SEMA4D: variants seen among roughly 807,000 people sequenced by gnomAD.
SEMA4D encodes the protein semaphorin-4D.
SEMA4D carries 22 observed loss-of-function variants against 74.8 expected under a neutral mutation model. The ratio of observed to expected loss-of-function variants is 0.29; its 90% confidence interval spans 0.21 to 0.42. The LOEUF (loss-of-function observed/expected upper bound fraction) is 0.42, where lower values mean the gene tolerates loss of function less well. SEMA4D is among the 10% of genes least tolerant of loss of function. The pLI is 1.00. For synonymous variants in SEMA4D, 445 were observed against 463.7 expected (o/e 0.96, Z 0.52); for missense variants, 937 against 1,118.4 (o/e 0.84, Z 2.31).
At chr9:89,397,572 A>G (rs1841270214) in intron 5 of SEMA4D, among the ~76,000 whole-genome samples, 1 of 152,244 alleles carries the variant, frequency 6.6e-6, no homozygotes, top group African/African-American at 2.4e-5. Flanking sequence ...TACATGTGCT[A>G]TAGTCTGAAA....
rs575756719 is a variant in SEMA4D at position 89,443,278 on chromosome 9, T to C, written c.-244+12610A>G. Among the ~76,000 whole-genome samples, 35 of 152,276 alleles carry C rather than the reference T, an allele frequency of 2.3e-4. No individual in the cohort carries two copies. In the East Asian group the frequency reaches 4.1e-3, roughly 18 times the overall value. Reference sequence around the variant, plus strand: ...AGAAGAACGGATGCCAGTGCTCAACTGGACACACACTCCAGCCACAAGCCA... The same window carrying C: ...AGAAGAACGGATGCCAGTGCTCAACCGGACACACACTCCAGCCACAAGCCA... On this transcript the variant is annotated intron_variant, in intron 2 of 15. Coordinates refer to ENST00000422704, the MANE Select transcript of SEMA4D (RefSeq NM_001371194.2).
intron 2 of SEMA4D, among the ~76,000 whole-genome samples, chr9:89,416,504 G>T (rs1462091314): frequency 6.6e-6 from 1 of 152,118 alleles, no homozygotes; most frequent in Non-Finnish European, 1.5e-5. Flanking sequence ...GGATGCGTCA[G>T]TCTACACACA....
chr9:89,490,554 G>A (rs1291939177), intron 1 of SEMA4D, among the ~76,000 whole-genome samples: 1 of 152,216 alleles, frequency 6.6e-6, no homozygotes, highest in African/African-American at 2.4e-5. Context: ...AAGGCTTTGT[G>A]TTAGATGACT....
Position 89,378,594 on chromosome 9 carries a change from C to T in SEMA4D, c.*110G>A. On this transcript the variant is annotated 3_prime_UTR_variant, in exon 16 of 16. Coordinates refer to ENST00000422704, the MANE Select transcript of SEMA4D (RefSeq NM_001371194.2). ...ACTGAGGTTGTCTGCACGATGCGGG[C>T]TAACCTACGCAGCACTGCACGAGAC... 3.9e-6 allele frequency: 3 copies of T among 760,448 alleles called. No homozygotes were observed. The South Asian group carries it at 5.1e-5, about 13-fold the overall frequency. 47.1% of individuals were successfully genotyped at this position (760,448 alleles called of 1,614,324 possible).
Position 89,387,466 on chromosome 9 carries a change from T to A in SEMA4D, c.1250A>T (p.Asp417Val), listed in dbSNP as rs140150679. The change falls in exon 12 of 16, where the codon GAT becomes GTT. Residue 417 changes from aspartate (D) to valine (V), a missense_variant. Physicochemically the swap from Asp to Val is radical, Grantham distance 152. Transcript: ENST00000422704. ...CACCACGATCTGGGTGTAGTTCACA[T>A]CTTTCTTGATTAACCTGGGCCTGTT... Reference protein sequence around the residue: ...IDNRPRLIKKDVNYTQIVVDR... With the variant: ...IDNRPRLIKKVVNYTQIVVDR... 306 of 1,614,118 alleles carry A rather than the reference T, an allele frequency of 1.9e-4. No individual in the cohort carries two copies. Among genetic ancestry groups the A allele is most frequent in the Non-Finnish European group, 2.4e-4 (288 of 1,180,044 alleles).
In SEMA4D at chr9:89,379,565, G is replaced by A. The variant is rs759077004; in HGVS notation, c.1728C>T (p.Cys576=). The change falls in exon 16 of 16, where the codon TGC becomes TGT. Residue 576 remains cysteine, a synonymous_variant. Coordinates refer to ENST00000422704, the MANE Select transcript of SEMA4D (RefSeq NM_001371194.2). ...FKHGGTAELK[C]SQKSNLARVF... is the part of the protein sequence containing the mutation. ...CCCGGGCCAGGTTGGATTTTTGGGAGCATTTCAGTTCCGCTGTGCCACCGT... is the reference window on the plus strand; with the variant it reads ...CCCGGGCCAGGTTGGATTTTTGGGAACATTTCAGTTCCGCTGTGCCACCGT... The A allele has an allele frequency of 6.2e-7, 1 of 1,614,086 alleles. No individual in the cohort carries two copies. Among genetic ancestry groups the A allele is most frequent in the African/African-American group, 1.3e-5 (1 of 74,924 alleles).
At chr9:89,376,883 G>A (rs1289980964), downstream of SEMA4D, 1 of 1,550,768 alleles carries the variant, frequency 6.4e-7, no homozygotes, top group East Asian at 2.4e-5. Context: ...CACGTGCTGT[G>A]CCTGGTCACT....
chr9:89,371,506 G>A (rs1834778653), intron 16 of SEMA4D, among the ~76,000 whole-genome samples: 1 of 89,868 alleles, frequency 1.1e-5, no homozygotes, highest in Non-Finnish European at 2.1e-5. Context: ...GGGGTGTAGT[G>A]TGTGTGTGTC....
At chr9:89,383,369 A>C (rs1011150579) in intron 13 of SEMA4D, among the ~76,000 whole-genome samples, 1 of 152,178 alleles carries the variant, frequency 6.6e-6, no homozygotes, top group Admixed American at 6.5e-5. Context: ...CGCTGGTGCG[A>C]GTCATACAGA....
intron 1 of SEMA4D, among the ~76,000 whole-genome samples, chr9:89,475,459 C>G (rs539509540): frequency 1.3e-5 from 2 of 152,252 alleles, no homozygotes; most frequent in Non-Finnish European, 2.9e-5. Context: ...TCCCACCACA[C>G]GGCCAGTGAC....
intron 1 of SEMA4D, among the ~76,000 whole-genome samples, chr9:89,467,180 G>A (rs1858945192): frequency 6.6e-6 from 1 of 152,144 alleles, no homozygotes; most frequent in South Asian, 2.1e-4. Flanking sequence ...AAGGACATGG[G>A]TACACGGCCC....
At chr9:89,369,932 T>A (rs917846981) in intron 16 of SEMA4D, among the ~76,000 whole-genome samples, 30 of 151,604 alleles carry the variant, frequency 2.0e-4, no homozygotes, top group African/African-American at 7.0e-4. Flanking sequence ...GTAGCGTGCA[T>A]GTGTCTATGT....
intron 16 of SEMA4D, among the ~76,000 whole-genome samples, chr9:89,370,841 G>A (rs1447465561): frequency 3.5e-5 from 5 of 144,830 alleles, no homozygotes; most frequent in African/African-American, 5.1e-5. Context: ...GGGGTGCGGT[G>A]TGTCGGGCGT....
In SEMA4D at chr9:89,398,404, A is replaced by G. The variant is rs1254155737; in HGVS notation, c.315+872T>C. Among the ~76,000 whole-genome samples, 3 of 152,252 alleles carry G rather than the reference A, an allele frequency of 2.0e-5. No homozygotes were observed. In the East Asian group the frequency reaches 5.8e-4, roughly 29 times the overall value. On this transcript the variant is annotated intron_variant, in intron 5 of 15. Coordinates refer to ENST00000422704, the MANE Select transcript of SEMA4D (RefSeq NM_001371194.2). ...TTATTTGCTCGTCCTGTTCCCTCTC[A>G]AGCTCCCATCTCCGCTGAGAGCCAC...
Position 89,379,376 on chromosome 9 carries a change from G to A in SEMA4D, c.1917C>T (p.Val639=), listed in dbSNP as rs745891001. 11 of 1,614,122 alleles carry A rather than the reference G, an allele frequency of 6.8e-6. No homozygotes were observed. The highest frequency in any genetic ancestry group is 1.6e-4 in the Middle Eastern group (1 of 6,062). The part of the protein sequence containing the change: ...RVKNKTVFQV[V]AKHVLEVKVV... The stretch of plus-strand genomic sequence containing the variant: ...CCTTCACTTCCAGGACGTGCTTGGC[G>A]ACCACTTGGAAGACCGTTTTGTTCT... The change falls in exon 16 of 16, where the codon GTC becomes GTT. Residue 639 remains valine, a synonymous_variant. Coordinates refer to ENST00000422704, the MANE Select transcript of SEMA4D (RefSeq NM_001371194.2).
chr9:89,379,001 G>A lies in SEMA4D; in HGVS notation c.2292C>T (p.Cys764=). Residue 764 remains cysteine (C), a synonymous_variant, in exon 16 of 16, where the codon TGC becomes TGT. Coordinates refer to ENST00000422704, the MANE Select transcript of SEMA4D (RefSeq NM_001371194.2). Reference sequence around the variant, plus strand: ...TTAGTAGGGCCGAGCGGAATTTCAAGCACTGTCTGGGCAGGTATCCCTTAT... The same window carrying A: ...TTAGTAGGGCCGAGCGGAATTTCAAACACTGTCTGGGCAGGTATCCCTTAT... ...NCYKGYLPRQ[C]LKFRSALLIG... 6.2e-7 allele frequency: 1 copy of A among 1,612,934 alleles called. No homozygotes were observed. Among genetic ancestry groups the A allele is most frequent in the Non-Finnish European group, 8.5e-7 (1 of 1,179,362 alleles).
chr9:89,452,959 G>C (rs994388056), intron 2 of SEMA4D, among the ~76,000 whole-genome samples: 1 of 152,218 alleles, frequency 6.6e-6, no homozygotes. Flanking sequence ...CCAGGTAACA[G>C]CCTCACAGGG....
intron 6 of SEMA4D, 77 bp from the exon 7 acceptor site, chr9:89,393,732 AT>A: frequency 1.7e-6 from 2 of 1,172,716 alleles, no homozygotes; most frequent in Non-Finnish European, 2.6e-6. Context: ...GTACCACTTC[AT>A]TTTACAAATT....
chr9:89,474,705 T>C (rs778170626), intron 1 of SEMA4D, among the ~76,000 whole-genome samples: 16 of 152,204 alleles, frequency 1.1e-4, no homozygotes, highest in East Asian at 1.9e-4. Flanking sequence ...GACAGACACA[T>C]GTCAGCTTCT....
Sources: gnomAD v4.1 joint callset for allele counts (sites outside exome capture counted in the v4.1 genomes callset) on GRCh38, gnomAD v4.1.1 for gene constraint, MANE v1.5 for transcripts, NCBI Gene and HGNC (gene_info 2026-07-23, HGNC 2026-07-21) for gene names.